DCAF17: variants seen among roughly 807,000 people sequenced by gnomAD.
The protein encoded by DCAF17 is DDB1 and CUL4 associated factor 17.
DCAF17 carries 48 observed loss-of-function variants against 66.0 expected under a neutral mutation model. The observed-to-expected ratio is 0.73, with a 90% CI of 0.58 to 0.92. The LOEUF is 0.92. Ranked by LOEUF, DCAF17 falls within the 40% of genes least tolerant of loss-of-function variation. The pLI is 0.00. For synonymous variants in DCAF17, 206 were observed against 214.6 expected (o/e 0.96, Z 0.35); for missense variants, 562 against 622.8 (o/e 0.90, Z 1.04).
intron 8 of DCAF17, among the ~76,000 whole-genome samples, chr2:171,464,335 G>C (rs946267075): frequency 4.6e-5 from 7 of 152,124 alleles, no homozygotes; most frequent in Non-Finnish European, 1.0e-4. Context: ...CCCTCTGAAG[G>C]CTCTAGGGAA....
intron 7 of DCAF17, 59 bp downstream of exon 7, chr2:171,458,134 A>G: frequency 3.9e-6 from 5 of 1,267,984 alleles, no homozygotes; most frequent in Non-Finnish European, 5.5e-6. Flanking sequence ...CTAAAGTATG[A>G]TTTTTTTTTT....
chr2:171,484,915 A>ATTTCT lies in DCAF17; in HGVS notation c.*3805_*3809dup, dbSNP rs768818183. Reference sequence around the variant, plus strand: ...ATGTTGTTGCATGTGTCAGTGATTCATTTCTTTTTATTGCTGAGTATTCTT... The same window carrying ATTTCT: ...ATGTTGTTGCATGTGTCAGTGATTCATTTCTTTTCTTTTTATTGCTGAGTATTCTT... On this transcript the variant is annotated 3_prime_UTR_variant, in exon 14 of 14. Transcript: ENST00000375255. The ATTTCT allele has an allele frequency of 6.6e-6, 3 of 453,860 alleles. No individual in the cohort carries two copies. The highest frequency in any genetic ancestry group is 4.7e-5 in the South Asian group (3 of 64,416). 28.1% of individuals were successfully genotyped at this position (453,860 alleles called of 1,614,324 possible).
chr2:171,451,476 G>C (rs1012022784), intron 5 of DCAF17, among the ~76,000 whole-genome samples: 2 of 152,184 alleles, frequency 1.3e-5, no homozygotes, highest in African/African-American at 4.8e-5. Context: ...AAGTGGGATA[G>C]TATAAAAAAG....
At chr2:171,477,029 T>C in intron 11 of DCAF17, 79 bp downstream of exon 11, 9 of 1,146,210 alleles carry the variant, frequency 7.9e-6, no homozygotes, top group Non-Finnish European at 1.2e-5. Flanking sequence ...TATATTTGCC[T>C]TTGAGTGTAG....
At chr2:171,469,228 A>G (rs572975282) in intron 9 of DCAF17, among the ~76,000 whole-genome samples, 198 bp downstream of exon 9, 1 of 152,344 alleles carries the variant, frequency 6.6e-6, no homozygotes, top group East Asian at 1.9e-4. Context: ...AAACGTTAAC[A>G]TTTGAAAATT....
intron 2 of DCAF17, among the ~76,000 whole-genome samples, chr2:171,435,623 C>T (rs1693849687): frequency 6.6e-6 from 1 of 151,464 alleles, no homozygotes; most frequent in African/African-American, 2.4e-5. Context: ...TAACAGTCAG[C>T]CTCATCCACA....
intron 3 of DCAF17, among the ~76,000 whole-genome samples, chr2:171,444,682 G>A (rs75984729): frequency 0.031 from 4,765 of 152,246 alleles, 83 homozygotes; most frequent in East Asian, 0.051. Context: ...TCTAAGAAAT[G>A]CACTTAGGAA....
At chr2:171,458,151 G>A in intron 7 of DCAF17, 76 bp downstream of exon 7, 1 of 1,316,970 alleles carries the variant, frequency 7.6e-7, no homozygotes, top group Admixed American at 1.7e-5. Flanking sequence ...TTTTTAGTGA[G>A]ATGCTTTTAG....
chr2:171,434,383 G>A lies in DCAF17; in HGVS notation c.-195G>A, dbSNP rs1334925045. On this transcript the variant is annotated 5_prime_UTR_variant, in exon 1 of 14. Transcript: ENST00000375255. The stretch of plus-strand genomic sequence containing the variant: ...GCTTCTTCCCTTCTCTCCGCGCTCT[G>A]GCGGTGCAAGCGGCTCTGCTTTCCC... 1.1e-6 allele frequency: 1 copy of A among 921,432 alleles called. No homozygotes were observed. The highest frequency in any genetic ancestry group is 1.6e-5 in the African/African-American group (1 of 60,970). The allele number at this position is 921,432 out of a possible 1,614,324, so 57.1% of individuals were successfully genotyped here. A position where few individuals can be genotyped will look rare whatever the true frequency, so the allele number is the denominator to read the frequency against.
chr2:171,450,054 A>C (rs906145925), intron 5 of DCAF17, 97 bp downstream of exon 5: 4 of 1,075,494 alleles, frequency 3.7e-6, no homozygotes, highest in African/African-American at 1.6e-5. Context: ...TTTATTTCTG[A>C]AGCATGCTGT....
intron 9 of DCAF17, among the ~76,000 whole-genome samples, chr2:171,473,432 C>CT (rs1379404273): frequency 6.6e-6 from 1 of 152,006 alleles, no homozygotes; most frequent in Non-Finnish European, 1.5e-5. Context: ...TAGCGAGACT[C>CT]TATCTCTATT....
At chr2:171,450,098 C>T (rs1051747117) in intron 5 of DCAF17, 141 bp downstream of exon 5, 13 of 685,346 alleles carry the variant, frequency 1.9e-5, no homozygotes, top group East Asian at 1.8e-4. Flanking sequence ...TGGATGGGAT[C>T]GGAGACCATT....
chr2:171,477,750 C>T (rs1243903427), intron 11 of DCAF17, among the ~76,000 whole-genome samples: 1 of 152,088 alleles, frequency 6.6e-6, no homozygotes, highest in Non-Finnish European at 1.5e-5. Flanking sequence ...CAAGATTGTG[C>T]CACTACAGTG....
chr2:171,448,566 T>G, intron 3 of DCAF17, 115 bp from the exon 4 acceptor site: 3 of 931,366 alleles, frequency 3.2e-6, no homozygotes, highest in Non-Finnish European at 3.1e-6. Flanking sequence ...TAATCTTTCT[T>G]TTGTGGTTTA....
intron 13 of DCAF17, 55 bp from the exon 14 acceptor site, chr2:171,480,919 C>T: frequency 1.9e-6 from 3 of 1,607,404 alleles, no homozygotes; most frequent in Non-Finnish European, 2.6e-6. Flanking sequence ...TTTAGTAACA[C>T]AGTAGTGAAT....
intron 3 of DCAF17, among the ~76,000 whole-genome samples, chr2:171,447,923 A>G (rs1175461532): frequency 6.6e-6 from 1 of 152,340 alleles, no homozygotes; most frequent in East Asian, 1.9e-4. Flanking sequence ...TTTCTAGGAT[A>G]ATTCACTGGT....
chr2:171,463,797 C>A (rs965150121), intron 8 of DCAF17, among the ~76,000 whole-genome samples: 1 of 152,020 alleles, frequency 6.6e-6, no homozygotes, highest in Non-Finnish European at 1.5e-5. Flanking sequence ...CCTTCAATAG[C>A]TGGCATTTTT....
intron 2 of DCAF17, among the ~76,000 whole-genome samples, chr2:171,438,458 A>G (rs891176794): frequency 1.2e-4 from 18 of 152,318 alleles, no homozygotes; most frequent in African/African-American, 3.8e-4. Context: ...TGAAATCTCT[A>G]TAATAGTGAG....
Position 171,443,556 on chromosome 2 carries a change from G to A in DCAF17, c.264G>A (p.Met88Ile). Residue 88 changes from methionine (M) to isoleucine (I), a missense_variant, in exon 3 of 14, where the codon ATG (methionine) becomes ATA (isoleucine). Around this residue, in one of 3 missense-constraint regions of DCAF17, gnomAD observed 348 missense variants for 355.9 expected, o/e 0.98. Coordinates refer to ENST00000375255, the MANE Select transcript of DCAF17 (RefSeq NM_025000.4). ...VASEPRKLYE[M>I]PKCSKSEKIE... is the part of the protein sequence containing the mutation. ...CTGAGCCAAGAAAACTTTATGAAATGCCAAAATGTTCCAAATCAGAAAAAA... is the reference window on the plus strand; with the variant it reads ...CTGAGCCAAGAAAACTTTATGAAATACCAAAATGTTCCAAATCAGAAAAAA... 6.2e-7 allele frequency: 1 copy of A among 1,612,868 alleles called. No homozygotes were observed. Among genetic ancestry groups the A allele is most frequent in the Non-Finnish European group, 8.5e-7 (1 of 1,179,392 alleles).
Sources: gnomAD v4.1 joint callset for allele counts (sites outside exome capture counted in the v4.1 genomes callset) on GRCh38, gnomAD v4.1.1 for gene constraint, gnomAD v4.1.1 regional missense constraint, MANE v1.5 for transcripts, NCBI Gene and HGNC (gene_info 2026-07-23, HGNC 2026-07-21) for gene names.